CD180: variants seen among roughly 807,000 people sequenced by gnomAD.
CD180 encodes the protein CD180 molecule.
Under a neutral mutation model 10.7 loss-of-function variants are expected in CD180, and 11 were observed. The observed-to-expected ratio is 1.03, with a 90% CI of 0.65 to 1.70. CD180 has a LOEUF of 1.70. CD180 is among the 40% of genes most tolerant of loss of function. The pLI, the probability that CD180 is intolerant of heterozygous loss-of-function variation, is 0.00. For synonymous variants in CD180, 286 were observed against 294.6 expected (o/e 0.97, Z 0.30); for missense variants, 729 against 775.2 (o/e 0.94, Z 0.71).
At chr5:67,195,821 T>C (rs1457112832) in intron 1 of CD180, among the ~76,000 whole-genome samples, 1 of 152,156 alleles carries the variant, frequency 6.6e-6, no homozygotes, top group Admixed American at 6.5e-5. Context: ...AGACTCATGG[T>C]TCCTCCTGTA....
intron 1 of CD180, among the ~76,000 whole-genome samples, chr5:67,196,208 G>A (rs1212361797): frequency 6.6e-6 from 1 of 152,224 alleles, no homozygotes; most frequent in Non-Finnish European, 1.5e-5. Flanking sequence ...CCATGTGAGA[G>A]TGGGGATGTT....
chr5:67,195,598 C>T (rs941713338), intron 1 of CD180, among the ~76,000 whole-genome samples: 2 of 152,222 alleles, frequency 1.3e-5, no homozygotes, highest in Non-Finnish European at 2.9e-5. Flanking sequence ...CATGATGCCT[C>T]CTCTTGGCCT....
Position 67,183,680 on chromosome 5 carries a change from C to T in CD180, c.1163G>A (p.Cys388Tyr), listed in dbSNP as rs775066264. ...SHNDIEASDC[C>Y]SLQLKNLSHL... is the part of the protein sequence containing the mutation. Reference sequence around the variant, plus strand: ...GGACAGGTTTTTGAGTTGCAGACTGCAGCAGTCAGAAGCCTCTATGTCATT... The same window carrying T: ...GGACAGGTTTTTGAGTTGCAGACTGTAGCAGTCAGAAGCCTCTATGTCATT... The change falls in exon 3 of 3, where the codon TGC becomes TAC. Residue 388 changes from cysteine to tyrosine, a missense_variant. Coordinates refer to ENST00000256447, the MANE Select transcript of CD180 (RefSeq NM_005582.3). 5 of 1,614,118 alleles carry T rather than the reference C, an allele frequency of 3.1e-6. No individual in the cohort carries two copies. In the South Asian group the frequency reaches 5.5e-5, roughly 18 times the overall value.
intron 1 of CD180, among the ~76,000 whole-genome samples, chr5:67,193,849 A>G (rs889730264): frequency 3.9e-5 from 6 of 152,214 alleles, no homozygotes; most frequent in African/African-American, 1.4e-4. Flanking sequence ...TTGTAGGTGT[A>G]TAAGAGTGGG....
Position 67,185,962 on chromosome 5 carries a change from T to C in CD180, c.146A>G (p.Asp49Gly), listed in dbSNP as rs764012553. 2.5e-6 allele frequency: 4 copies of C among 1,609,166 alleles called. No homozygotes were observed. The East Asian group carries it at 6.7e-5, about 27-fold the overall frequency. The change falls in exon 2 of 3, where the codon GAC (aspartate) becomes GGC (glycine). Residue 49 changes from aspartate to glycine, a missense_variant. Asp to Gly is a moderately conservative substitution (Grantham distance 94). Coordinates refer to ENST00000256447, the MANE Select transcript of CD180 (RefSeq NM_005582.3). ...CENLGLSEIP[D>G]TLPNTTEFLE... ...AAATTCTGTTGTGTTTGGTAGAGTG[T>C]CAGGGATTTCACTGAGACCTAAATT... is the stretch of plus-strand genomic sequence containing the variant.
intron 2 of CD180, among the ~76,000 whole-genome samples, chr5:67,184,843 A>G (rs965368311): frequency 6.6e-6 from 1 of 152,136 alleles, no homozygotes; most frequent in African/African-American, 2.4e-5. Flanking sequence ...CTAAGGAACC[A>G]TGGGTCATTT....
Position 67,196,795 on chromosome 5 carries a change from T to A in CD180, c.-154A>T. 2 of 547,908 alleles carry A rather than the reference T, an allele frequency of 3.7e-6. No homozygotes were observed. Among genetic ancestry groups the A allele is most frequent in the Non-Finnish European group, 5.7e-6 (2 of 351,490 alleles). 33.9% of individuals were successfully genotyped at this position (547,908 alleles called of 1,614,324 possible). ...TGTTGACTGCTCAGCATTCTGTGGCTCTGTGCTGGAAAAAAAAAAAAAAAA... is the reference window on the plus strand; with the variant it reads ...TGTTGACTGCTCAGCATTCTGTGGCACTGTGCTGGAAAAAAAAAAAAAAAA... On this transcript the variant is annotated 5_prime_UTR_variant, in exon 1 of 3. Transcript: ENST00000256447.
At position 67,183,026 on chromosome 5, in the gene CD180, G is replaced by A. The variant is rs777337445; in HGVS notation, c.1817C>T (p.Thr606Met). Residue 606 changes from threonine to methionine, a missense_variant, in exon 3 of 3, where the codon ACG becomes ATG. Coordinates refer to ENST00000256447, the MANE Select transcript of CD180 (RefSeq NM_005582.3). ...LHKLEGSEET[T>M]CANPPSLRGV... ...CCTTAGAGATGGCGGGTTTGCACAC[G>A]TGGTCTCCTCCGAGCCTTCAAGTTT... The A allele has an allele frequency of 2.8e-5, 45 of 1,614,032 alleles. No homozygotes were observed. The highest frequency in any genetic ancestry group is 6.7e-5 in the Admixed American group (4 of 59,990).
rs1561233757 is a variant in CD180 at position 67,183,759 on chromosome 5, C to G, written c.1084G>C (p.Gly362Arg). ...CCTAGTTTCTCCAAGCAGCCAACAC[C>G]AAGGTGAAGTTTCTTCACGTTGCCT... ...IRGNVKKLHLGVGCLEKLGNL... is the reference protein window; with the variant it reads ...IRGNVKKLHLRVGCLEKLGNL... The change falls in exon 3 of 3, where the codon GGT becomes CGT. Residue 362 changes from glycine (G) to arginine (R), a missense_variant. Transcript: ENST00000256447. The G allele has an allele frequency of 1.2e-6, 2 of 1,614,002 alleles. No individual in the cohort carries two copies. Among genetic ancestry groups the G allele is most frequent in the Non-Finnish European group, 8.5e-7 (1 of 1,180,022 alleles).
In CD180 at chr5:67,183,495, G is replaced by C; in HGVS notation, c.1348C>G (p.Leu450Val). Residue 450 changes from leucine to valine, a missense_variant, in exon 3 of 3, where the codon CTG (leucine) becomes GTG (valine). Physicochemically the swap from Leu to Val is conservative, Grantham distance 32. Transcript: ENST00000256447. ...PFQNLHFLQVLNLTYCFLDTS... is the reference protein window; with the variant it reads ...PFQNLHFLQVVNLTYCFLDTS... Reference sequence around the variant, plus strand: ...TCAAGGAAGCAGTAAGTGAGATTCAGAACCTGAAGGAAATGGAGGTTTTGG... The same window carrying C: ...TCAAGGAAGCAGTAAGTGAGATTCACAACCTGAAGGAAATGGAGGTTTTGG... 2 of 1,614,238 alleles carry C rather than the reference G, an allele frequency of 1.2e-6. No homozygotes were observed. Among genetic ancestry groups the C allele is most frequent in the Non-Finnish European group, 1.7e-6 (2 of 1,180,042 alleles).
intron 1 of CD180, chr5:67,191,059 G>A (rs756170696): frequency 4.1e-6 from 4 of 985,322 alleles, no homozygotes; most frequent in Non-Finnish European, 4.8e-6. Flanking sequence ...AGAGCAAGTC[G>A]ACTGAGCCAA....
rs1451805424 is a variant in CD180, at chr5:67,184,274, C to T, written c.569G>A (p.Arg190Lys). The T allele has an allele frequency of 3.1e-6, 5 of 1,614,078 alleles. No individual in the cohort carries two copies. The highest frequency in any genetic ancestry group is 4.2e-6 in the Non-Finnish European group (5 of 1,179,978). The change falls in exon 3 of 3, where the codon AGA becomes AAA. Residue 190 changes from arginine to lysine, a missense_variant. Arg to Lys is a conservative substitution (Grantham distance 26). Transcript: ENST00000256447. Reference protein sequence around the residue: ...FQNNAIHYISREDMRSLEQAI... With the variant: ...FQNNAIHYISKEDMRSLEQAI... ...CTGCTCCAGAGACCTCATGTCTTCT[C>T]TAGAGATGTAGTGTATAGCATTATT...
chr5:67,184,279 G>A lies in CD180; in HGVS notation c.564C>T (p.Ile188=), dbSNP rs1385964017. 6.2e-7 allele frequency: 1 copy of A among 1,614,094 alleles called. No individual in the cohort carries two copies. Among genetic ancestry groups the A allele is most frequent in the East Asian group, 2.2e-5 (1 of 44,892 alleles). The change falls in exon 3 of 3, where the codon ATC becomes ATT. Residue 188 remains isoleucine (I), a synonymous_variant. Coordinates refer to ENST00000256447, the MANE Select transcript of CD180 (RefSeq NM_005582.3). Reference sequence around the variant, plus strand: ...CCAGAGACCTCATGTCTTCTCTAGAGATGTAGTGTATAGCATTATTCTGAA... The same window carrying A: ...CCAGAGACCTCATGTCTTCTCTAGAAATGTAGTGTATAGCATTATTCTGAA... ...LDFQNNAIHY[I]SREDMRSLEQ...
intron 1 of CD180, among the ~76,000 whole-genome samples, chr5:67,192,907 C>G (rs1442575821): frequency 6.6e-6 from 1 of 152,198 alleles, no homozygotes; most frequent in East Asian, 1.9e-4. Flanking sequence ...TTGGAACTTT[C>G]TGATCTCACC....
Position 67,182,912 on chromosome 5 carries a change from A to G in CD180, c.1931T>C (p.Ile644Thr). The change falls in exon 3 of 3, where the codon ATT becomes ACT. Residue 644 changes from isoleucine to threonine, a missense_variant. Physicochemically the swap from Ile to Thr is moderately conservative, Grantham distance 89 (BLOSUM62 -1). Transcript: ENST00000256447. ...GTATTTAACTGCAAAAAATAGCAGA[A>G]TAGCCAACAATAATAGAAATACTAT... ...FLIVFLLLLA[I>T]LLFFAVKYLL... 1 of 1,613,590 alleles carries G rather than the reference A, an allele frequency of 6.2e-7. No homozygotes were observed. Among genetic ancestry groups the G allele is most frequent in the Non-Finnish European group, 8.5e-7 (1 of 1,179,792 alleles).
In CD180 at chr5:67,185,988, T is replaced by C. The variant is rs1407982382; in HGVS notation, c.120A>G (p.Glu40=). The C allele has an allele frequency of 6.2e-7, 1 of 1,602,528 alleles. No homozygotes were observed. The highest frequency in any genetic ancestry group is 8.5e-7 in the Non-Finnish European group (1 of 1,174,976). Residue 40 remains glutamate, a synonymous_variant, in exon 2 of 3, where the codon GAA becomes GAG. Transcript: ENST00000256447. ...CAGGGATTTCACTGAGACCTAAATT[T>C]TCACAGTTATATGTTTTGTTGGCTT... ...EKEANKTYNC[E]NLGLSEIPDT... is the part of the protein sequence containing the mutation.
chr5:67,190,002 T>C (rs1478541992), intron 1 of CD180, among the ~76,000 whole-genome samples: 3 of 152,212 alleles, frequency 2.0e-5, no homozygotes, highest in African/African-American at 7.2e-5. Flanking sequence ...TTCTTTATAG[T>C]AATTTTTGTT....
Position 67,183,709 on chromosome 5 carries a change from G to C in CD180, c.1134C>G (p.Ser378Arg). ...KLGNLQTLDL[S>R]HNDIEASDCC... ...AGTCAGAAGCCTCTATGTCATTATGGCTTAAATCAAGTGTCTGAAGGTTTC... is the reference window on the plus strand; with the variant it reads ...AGTCAGAAGCCTCTATGTCATTATGCCTTAAATCAAGTGTCTGAAGGTTTC... Residue 378 changes from serine to arginine, a missense_variant, in exon 3 of 3, where the codon AGC becomes AGG. Transcript: ENST00000256447. 1.2e-6 allele frequency: 2 copies of C among 1,614,142 alleles called. No homozygotes were observed. Among genetic ancestry groups the C allele is most frequent in the South Asian group, 2.2e-5 (2 of 91,080 alleles).
In CD180 at chr5:67,181,152, AGAGAC is replaced by A. The variant is rs1457413684; in HGVS notation, c.*1700_*1704del. 6.6e-6 allele frequency: 1 copy of A among 152,124 alleles called. No individual in the cohort carries two copies. The highest frequency in any genetic ancestry group is 2.4e-5 in the African/African-American group (1 of 41,396). 9.4% of individuals were successfully genotyped at this position (152,124 alleles called of 1,614,324 possible). On this transcript the variant is annotated 3_prime_UTR_variant, in exon 3 of 3. Coordinates refer to ENST00000256447, the MANE Select transcript of CD180 (RefSeq NM_005582.3). ...CCCTCTCATGGCACTTGTATTTGGG[AGAGAC>A]AAGACAAGAGAAACTAATTAAAACA... is the stretch of plus-strand genomic sequence containing the variant.
Sources: gnomAD v4.1 joint callset for allele counts (sites outside exome capture counted in the v4.1 genomes callset) on GRCh38, gnomAD v4.1.1 for gene constraint, MANE v1.5 for transcripts, NCBI Gene and HGNC (gene_info 2026-07-23, HGNC 2026-07-21) for gene names.